VGLL4: variants seen among roughly 807,000 people sequenced by gnomAD.
VGLL4 encodes transcription cofactor vestigial-like protein 4.
A neutral mutation model predicts 21.0 loss-of-function variants in VGLL4; 7 were observed. The ratio of observed to expected loss-of-function variants is 0.33; its 90% confidence interval spans 0.19 to 0.63. The LOEUF (loss-of-function observed/expected upper bound fraction) is 0.63, where lower values mean the gene tolerates loss of function less well. Ranked by LOEUF, VGLL4 falls within the 20% of genes least tolerant of loss-of-function variation. The pLI is 0.78. For synonymous variants in VGLL4, 222 were observed against 173.2 expected, an observed-to-expected ratio of 1.28 and a Z score of -2.21; for missense variants, 394 against 425.7, an observed-to-expected ratio of 0.93 and a Z score of 0.66.
Position 11,564,971 on chromosome 3 carries a change from G to C in VGLL4, c.321C>G (p.Ser107Arg). ...CCACAGCGCGCTCGATGGGGCTGCG[G>C]CTCCGCTCCCGGGGGTCTCTGCGGC... ...GDCRRDPRER[S>R]RSPIERAVAP... Residue 107 changes from serine (S) to arginine (R), a missense_variant, in exon 3 of 5, where the codon AGC (serine) becomes AGG (arginine). Ser to Arg is a moderately radical substitution (Grantham distance 110, BLOSUM62 -1). Transcript: ENST00000430365. 6.5e-7 allele frequency: 1 copy of C among 1,542,260 alleles called. No individual in the cohort carries two copies. The highest frequency in any genetic ancestry group is 8.7e-7 in the Non-Finnish European group (1 of 1,144,922).
At chr3:11,602,150 C>T (rs1192298156) in intron 1 of VGLL4, 128 bp from the exon 2 acceptor site, 14 of 790,552 alleles carry the variant, frequency 1.8e-5, no homozygotes, top group South Asian at 5.0e-5. Flanking sequence ...GGCAATGGGA[C>T]GGGGCCGCCT....
At chr3:11,628,071 A>T (rs2075392060) in intron 1 of VGLL4, among the ~76,000 whole-genome samples, 1 of 152,238 alleles carries the variant, frequency 6.6e-6, no homozygotes, top group Non-Finnish European at 1.5e-5. Flanking sequence ...TGACTGGATC[A>T]TTATACAACA....
At chr3:11,694,415 G>A (rs2076576090) in intron 2 of VGLL4, among the ~76,000 whole-genome samples, 1 of 152,126 alleles carries the variant, frequency 6.6e-6, no homozygotes, top group African/African-American at 2.4e-5. Context: ...GAGGTTAGGA[G>A]TTCAAGACCA....
chr3:11,687,487 G>A (rs2076466993), intron 2 of VGLL4, among the ~76,000 whole-genome samples: 1 of 151,882 alleles, frequency 6.6e-6, no homozygotes, highest in Non-Finnish European at 1.5e-5. Flanking sequence ...TTGTTTTTTT[G>A]TTTAAGAGAT....
chr3:11,621,377 C>G (rs2075263004), intron 1 of VGLL4, among the ~76,000 whole-genome samples: 1 of 152,230 alleles, frequency 6.6e-6, no homozygotes, highest in Admixed American at 6.5e-5. Flanking sequence ...CTTTCTGTCT[C>G]TATAGACTTG....
At chr3:11,663,978 G>A (rs929472269) in intron 2 of VGLL4, among the ~76,000 whole-genome samples, 5 of 152,188 alleles carry the variant, frequency 3.3e-5, no homozygotes, top group Admixed American at 6.5e-5. Context: ...TAGGCTGGGC[G>A]CAGTGGCTCA....
At chr3:11,597,912 G>A (rs979169126) in intron 2 of VGLL4, among the ~76,000 whole-genome samples, 1 of 152,060 alleles carries the variant, frequency 6.6e-6, no homozygotes, top group African/African-American at 2.4e-5. Context: ...CTAAGAGGCT[G>A]GAATAAAATC....
At chr3:11,682,297 T>A (rs1482528467) in intron 2 of VGLL4, among the ~76,000 whole-genome samples, 1 of 144,586 alleles carries the variant, frequency 6.9e-6, no homozygotes, top group African/African-American at 2.6e-5. Context: ...CCCAGCTACT[T>A]GGGAGGCTGA....
At chr3:11,635,265 G>A (rs1189448549) in intron 1 of VGLL4, among the ~76,000 whole-genome samples, 1 of 152,176 alleles carries the variant, frequency 6.6e-6, no homozygotes, top group Non-Finnish European at 1.5e-5. Flanking sequence ...CAAGATTTAG[G>A]GAAGGGTTTG....
chr3:11,575,550 C>T lies in VGLL4; in HGVS notation c.273-10531G>A, dbSNP rs560345237. Among the ~76,000 whole-genome samples the T allele has an allele frequency of 1.2e-4, 19 of 152,294 alleles. No homozygotes were observed. The South Asian group carries it at 3.7e-3, about 30-fold the overall frequency. On this transcript the variant is annotated intron_variant, in intron 2 of 4. Transcript: ENST00000430365. ...TCGGTCCTCAGATCTGTGCAAGGGA[C>T]GGAAGACACTTGGGAAACCTGGCGG...
intron 1 of VGLL4, among the ~76,000 whole-genome samples, chr3:11,711,398 A>G (rs111511812): frequency 0.12 from 17,927 of 151,890 alleles, 3,242 homozygotes; most frequent in African/African-American, 0.39. Flanking sequence ...CCCCATCTCG[A>G]CTAAAAGTAC....
At chr3:11,593,436 T>C (rs1401236445) in intron 2 of VGLL4, among the ~76,000 whole-genome samples, 1 of 152,208 alleles carries the variant, frequency 6.6e-6, no homozygotes, top group East Asian at 1.9e-4. Flanking sequence ...GAGTTCCTAT[T>C]ATATGCCCAG....
At chr3:11,685,765 A>T (rs2076438371) in intron 2 of VGLL4, among the ~76,000 whole-genome samples, 2 of 152,140 alleles carry the variant, frequency 1.3e-5, no homozygotes, top group South Asian at 4.1e-4. Context: ...TCAACTCAAA[A>T]ATGGGCAAAG....
chr3:11,605,970 ATGTTGTAT>A (rs2074932238), intron 1 of VGLL4, among the ~76,000 whole-genome samples: 1 of 152,220 alleles, frequency 6.6e-6, no homozygotes, highest in Admixed American at 6.5e-5. Flanking sequence ...ACATGGAAAG[ATGTTGTAT>A]TAGTCTGTTC....
At chr3:11,562,702 T>C (rs769913299) in intron 3 of VGLL4, among the ~76,000 whole-genome samples, 3 of 151,876 alleles carry the variant, frequency 2.0e-5, no homozygotes, top group Non-Finnish European at 2.9e-5. Context: ...ATGAATGACA[T>C]GTGCTGACAG....
At position 11,667,013 on chromosome 3, in the gene VGLL4, C is replaced by A. The variant is rs961558467; in HGVS notation, c.64+35958G>T. On this transcript the variant is annotated intron_variant, in intron 2 of 5. Coordinates refer to the VGLL4 transcript ENST00000273038. ...TCTCCAAAGATCTAGCCTCATTTGC[C>A]CTTTCTTCTATCTCTACAGTCTTTC... Among the ~76,000 whole-genome samples the A allele has an allele frequency of 1.4e-4, 22 of 152,322 alleles. 2 individuals are homozygous for A. Among genetic ancestry groups the A allele is most frequent in the Admixed American group, 1.1e-3 (17 of 15,300 alleles).
At chr3:11,637,244 C>G (rs2075606203) in intron 1 of VGLL4, among the ~76,000 whole-genome samples, 1 of 152,072 alleles carries the variant, frequency 6.6e-6, no homozygotes, top group African/African-American at 2.4e-5. Flanking sequence ...ATTTCTCTAA[C>G]CATAAAATAC....
At chr3:11,599,559 A>G (rs145375868) in intron 2 of VGLL4, among the ~76,000 whole-genome samples, 1,150 of 5,614 alleles carry the variant, frequency 0.2, 17 homozygotes, top group African/African-American at 0.29. Context: ...TCGCTCTGTC[A>G]CCCAGGCTGA....
At chr3:11,627,595 CAAA>C (rs57607183) in intron 1 of VGLL4, among the ~76,000 whole-genome samples, 9,012 of 118,298 alleles carry the variant, frequency 0.076, 365 homozygotes, top group African/African-American at 0.19. Context: ...AACTTCATCT[CAAA>C]AAAAAAAAAA....
Sources: gnomAD v4.1 joint callset for allele counts (sites outside exome capture counted in the v4.1 genomes callset) on GRCh38, gnomAD v4.1.1 for gene constraint, MANE v1.5 for transcripts, NCBI Gene and HGNC (gene_info 2026-07-23, HGNC 2026-07-21) for gene names.